Variants in CDH13 observed in about 807,000 individuals in gnomAD.
The protein encoded by CDH13 is cadherin-13.
A neutral mutation model predicts 63.8 loss-of-function variants in CDH13; 24 were observed. The observed-to-expected ratio is 0.38, with a 90% CI of 0.27 to 0.53. The LOEUF (loss-of-function observed/expected upper bound fraction) is 0.53, where lower values mean the gene tolerates loss of function less well. Among genes scored for constraint, CDH13 ranks in the 20% least tolerant of loss-of-function variants. The probability of loss-of-function intolerance (pLI) is 0.85; values close to 1 mark genes in which losing one functional copy is unlikely to be tolerated. For missense variants in CDH13, 1,049 were observed against 903.1 expected (o/e 1.16, Z -2.07); for synonymous variants, 503 against 355.3 (o/e 1.42, Z -4.67).
At chr16:83,709,891 C>G (rs749202008) in intron 10 of CDH13, among the ~76,000 whole-genome samples, 8 of 152,226 alleles carry the variant, frequency 5.3e-5, no homozygotes, top group Non-Finnish European at 8.8e-5. Context: ...CCACCTCTCT[C>G]TAGTCATTGG....
At chr16:82,916,956 C>G (rs2042008867) in intron 2 of CDH13, among the ~76,000 whole-genome samples, 1 of 152,146 alleles carries the variant, frequency 6.6e-6, no homozygotes, top group African/African-American at 2.4e-5. Context: ...TATCCAAAGC[C>G]TTAACAGAGC....
At chr16:83,238,073 G>C (rs1327258423) in intron 5 of CDH13, among the ~76,000 whole-genome samples, 1 of 149,086 alleles carries the variant, frequency 6.7e-6, no homozygotes, top group Non-Finnish European at 1.5e-5. Context: ...ATTCATCTCA[G>C]CCTGTAGCAT....
At chr16:83,475,730 T>G (rs184304672) in intron 6 of CDH13, among the ~76,000 whole-genome samples, 1 of 152,202 alleles carries the variant, frequency 6.6e-6, no homozygotes, top group Admixed American at 6.5e-5. Flanking sequence ...TACAGGGACA[T>G]GCCACCACGT....
At chr16:83,286,052 C>T (rs74031967) in intron 5 of CDH13, among the ~76,000 whole-genome samples, 1 of 152,116 alleles carries the variant, frequency 6.6e-6, no homozygotes, top group East Asian at 1.9e-4. Flanking sequence ...TACCCTGTCT[C>T]AAATGCAAGT....
intron 1 of CDH13, among the ~76,000 whole-genome samples, chr16:82,809,779 C>G (rs1370497696): frequency 2.6e-5 from 4 of 152,146 alleles, no homozygotes; most frequent in African/African-American, 7.2e-5. Context: ...TTTTCTGAGC[C>G]GTTTCGCTAA....
chr16:82,668,501 C>T (rs1021029010), intron 1 of CDH13, among the ~76,000 whole-genome samples: 3 of 152,126 alleles, frequency 2.0e-5, no homozygotes, highest in Admixed American at 2.0e-4. Context: ...CAGGGAAAAC[C>T]ATTAGGGCAA....
chr16:83,429,384 T>C (rs1478443194), intron 6 of CDH13, among the ~76,000 whole-genome samples: 1 of 152,200 alleles, frequency 6.6e-6, no homozygotes, highest in African/African-American at 2.4e-5. Context: ...ATGACCCATC[T>C]TTAAGGAAAG....
chr16:82,666,295 C>T (rs1912575633), intron 1 of CDH13, among the ~76,000 whole-genome samples: 1 of 152,202 alleles, frequency 6.6e-6, no homozygotes, highest in South Asian at 2.1e-4. Flanking sequence ...ATGCCACAGG[C>T]AGTATCTTGT....
intron 13 of CDH13, 66 bp downstream of exon 13, chr16:83,783,538 C>A (rs945990598): frequency 3.4e-5 from 41 of 1,207,562 alleles, no homozygotes; most frequent in Non-Finnish European, 4.8e-5. Context: ...TTCGTGAAGC[C>A]AGCATTTTCC....
chr16:83,533,945 T>C (rs1309796588), intron 7 of CDH13, among the ~76,000 whole-genome samples: 1 of 152,204 alleles, frequency 6.6e-6, no homozygotes, highest in Non-Finnish European at 1.5e-5. Context: ...AAAAATCTAG[T>C]TGGACTTATT....
At chr16:82,979,483 C>T (rs1437754657) in intron 2 of CDH13, among the ~76,000 whole-genome samples, 4 of 151,936 alleles carry the variant, frequency 2.6e-5, no homozygotes, top group Non-Finnish European at 5.9e-5. Context: ...GGGGTGGTTA[C>T]CCTCATGCTG....
chr16:83,661,048 C>CTT (rs5818462), intron 8 of CDH13, among the ~76,000 whole-genome samples: 2 of 144,086 alleles, frequency 1.4e-5, no homozygotes, highest in Admixed American at 6.9e-5. Context: ...AGCAGCAAAA[C>CTT]TTTTTTTTTT....
At chr16:83,662,650 T>C (rs1913546404) in intron 8 of CDH13, among the ~76,000 whole-genome samples, 1 of 152,200 alleles carries the variant, frequency 6.6e-6, no homozygotes, top group Non-Finnish European at 1.5e-5. Context: ...TATACATGTT[T>C]AATATTTTTC....
chr16:82,852,966 G>C (rs1331302307), intron 1 of CDH13, among the ~76,000 whole-genome samples: 1 of 151,448 alleles, frequency 6.6e-6, no homozygotes, highest in African/African-American at 2.4e-5. Context: ...GTACCTGTCA[G>C]GATAAAAAAA....
rs927878276 is a variant in CDH13, at chr16:82,888,851, G to C, written c.157+30378G>C. On this transcript the variant is annotated intron_variant, in intron 2 of 13. Coordinates refer to ENST00000567109, the MANE Select transcript of CDH13 (RefSeq NM_001257.5). ...TAGATGCAATTGTTTTCTATAGTCT[G>C]TCTTGTGGCCGGTTATAAAATGTCT... Among the ~76,000 whole-genome samples the C allele has an allele frequency of 2.6e-5, 4 of 152,198 alleles. No homozygotes were observed. In the East Asian group the frequency reaches 5.8e-4, roughly 22 times the overall value.
intron 5 of CDH13, among the ~76,000 whole-genome samples, chr16:83,312,937 T>C (rs1567584050): frequency 6.6e-6 from 1 of 152,136 alleles, no homozygotes; most frequent in East Asian, 1.9e-4. Flanking sequence ...GATACACCAT[T>C]CCAAAGCCCG....
chr16:83,186,519 G>A (rs900044335), intron 4 of CDH13, among the ~76,000 whole-genome samples: 2 of 151,900 alleles, frequency 1.3e-5, no homozygotes, highest in East Asian at 1.9e-4. Context: ...GTTGCTTTTC[G>A]TTGTCATAGT....
At chr16:83,043,119 C>T (rs1444035504) in intron 3 of CDH13, among the ~76,000 whole-genome samples, 12 of 152,116 alleles carry the variant, frequency 7.9e-5, no homozygotes, top group Admixed American at 6.6e-4. Context: ...TGACACATGC[C>T]TAAATTGTTA....
intron 3 of CDH13, among the ~76,000 whole-genome samples, chr16:83,059,805 T>G (rs529015276): frequency 0.011 from 1,588 of 148,192 alleles, 32 homozygotes; most frequent in African/African-American, 0.037. Context: ...TTTTTTTTTT[T>G]TTTTTTTTAG....
Sources: gnomAD v4.1 joint callset for allele counts (sites outside exome capture counted in the v4.1 genomes callset) on GRCh38, gnomAD v4.1.1 for gene constraint, MANE v1.5 for transcripts, NCBI Gene and HGNC (gene_info 2026-07-23, HGNC 2026-07-21) for gene names.